HAUS8: variants seen among roughly 807,000 people sequenced by gnomAD.
HAUS8 encodes the protein HAUS augmin like complex subunit 8, also known as HAUS augmin-like complex subunit 8.
In HAUS8, 38 loss-of-function variants were observed where a neutral mutation model predicts 42.9. The observed-to-expected ratio is 0.89, with a 90% CI of 0.68 to 1.16. HAUS8 has a LOEUF of 1.16. Ranked by LOEUF, HAUS8 falls within the 50% of genes most tolerant of loss-of-function variation. The pLI, the probability that HAUS8 is intolerant of heterozygous loss-of-function variation, is 0.00. For missense variants in HAUS8, 494 were observed against 511.6 expected, an observed-to-expected ratio of 0.97 and a Z score of 0.33; for synonymous variants, 199 against 205.8, an observed-to-expected ratio of 0.97 and a Z score of 0.28.
At position 17,059,517 on chromosome 19, in the gene HAUS8, G is replaced by A. The variant is rs201127717; in HGVS notation, c.420+40C>T. ...AGAGTGGACTCTAAATCAGATCTATGCAACCCATCTGTGGCTGCCCTCTTC... is the reference window on the plus strand; with the variant it reads ...AGAGTGGACTCTAAATCAGATCTATACAACCCATCTGTGGCTGCCCTCTTC... On this transcript the variant is annotated intron_variant, in intron 6 of 10. Coordinates refer to ENST00000253669, the MANE Select transcript of HAUS8 (RefSeq NM_033417.2). 36 of 1,389,100 alleles carry A rather than the reference G, an allele frequency of 2.6e-5. No individual in the cohort carries two copies. The East Asian group carries it at 8.0e-4, about 31-fold the overall frequency. 86.0% of individuals were successfully genotyped at this position (1,389,100 alleles called of 1,614,324 possible).
chr19:17,073,462 T>A, intron 1 of HAUS8, 127 bp from the exon 2 acceptor site: 1 of 853,902 alleles, frequency 1.2e-6, no homozygotes. Context: ...ACAATTTCAG[T>A]GAGGGTGGGC....
At chr19:17,056,101 T>G in intron 8 of HAUS8, 99 bp from the exon 9 acceptor site, 24 of 1,078,320 alleles carry the variant, frequency 2.2e-5, no homozygotes, top group Non-Finnish European at 2.6e-5. Flanking sequence ...TACAGCGCTG[T>G]TCTTCACCAC....
intron 3 of HAUS8, among the ~76,000 whole-genome samples, chr19:17,067,392 G>C (rs2057393409): frequency 6.6e-6 from 1 of 152,096 alleles, no homozygotes. Flanking sequence ...CTGGGGGTGG[G>C]AGAGGGGCTG....
rs772888081 is a variant in HAUS8 at position 17,060,224 on chromosome 19, CTAAA to C, written c.230-136_230-133del. 8.2e-5 allele frequency: 17 copies of C among 207,338 alleles called. No homozygotes were observed. In the South Asian group the frequency reaches 8.7e-4, roughly 11 times the overall value. The allele number at this position is 207,338 out of a possible 1,614,324, so 12.8% of individuals were successfully genotyped here. A position where few individuals can be genotyped will look rare whatever the true frequency, so the allele number is the denominator to read the frequency against. On this transcript the variant is annotated intron_variant, in intron 4 of 10. Transcript: ENST00000253669. Reference sequence around the variant, plus strand: ...CCCAATTTCGTCCAAGGTGGAAAGGCTAAAAAAAAAAAAAAAAAAAAAACCTGTG... The same window carrying C: ...CCCAATTTCGTCCAAGGTGGAAAGGCAAAAAAAAAAAAAAAAAAACCTGTG...
Position 17,049,990 on chromosome 19 carries a change from C to A in HAUS8, c.1116G>T (p.Pro372=). Residue 372 remains proline (P), a synonymous_variant, in exon 11 of 11, where the codon CCG becomes CCT. Transcript: ENST00000253669. The stretch of plus-strand genomic sequence containing the variant: ...CCTGAGCGGGGGCTGACGAGGCACC[C>A]GGGTTGTCGTCCTCAGACAGGGGCG... ...KNTPLSEDDN[P]GASSAPAQAT... 6.2e-7 allele frequency: 1 copy of A among 1,601,872 alleles called. No individual in the cohort carries two copies. The highest frequency in any genetic ancestry group is 8.5e-7 in the Non-Finnish European group (1 of 1,174,614).
At position 17,075,436 on chromosome 19, in the gene HAUS8, A is replaced by G. The variant is rs774499669; in HGVS notation, c.-14T>C. 3 of 1,613,030 alleles carry G rather than the reference A, an allele frequency of 1.9e-6. No homozygotes were observed. Among genetic ancestry groups the G allele is most frequent in the South Asian group, 1.1e-5 (1 of 91,072 alleles). ...GGAATCCGCCATTTTCCCGCCTTCC[A>G]CCTCAAGGCCCGACCCGCCGGCTTT... On this transcript the variant is annotated 5_prime_UTR_variant, in exon 1 of 11. Coordinates refer to ENST00000253669, the MANE Select transcript of HAUS8 (RefSeq NM_033417.2).
chr19:17,071,316 C>T (rs2057422358), intron 2 of HAUS8, among the ~76,000 whole-genome samples: 1 of 152,172 alleles, frequency 6.6e-6, no homozygotes, highest in South Asian at 2.1e-4. Flanking sequence ...TTCAGTCAGC[C>T]AAAGGGCCGG....
chr19:17,058,583 C>T lies in HAUS8; in HGVS notation c.611G>A (p.Arg204Lys). ...ELKRRLLLSQ[R>K]KRELADVLDA... ...CAGGACATCTGCCAGCTCCCGCTTC[C>T]TCTGAGAGAGGAGAAGCCTGCGCTT... The change falls in exon 8 of 11, where the codon AGG becomes AAG. Residue 204 changes from arginine (R) to lysine (K), a missense_variant. Coordinates refer to ENST00000253669, the MANE Select transcript of HAUS8 (RefSeq NM_033417.2). 1.2e-6 allele frequency: 2 copies of T among 1,610,316 alleles called. No homozygotes were observed. The highest frequency in any genetic ancestry group is 1.7e-6 in the Non-Finnish European group (2 of 1,178,738).
chr19:17,074,526 C>G (rs1011683886), intron 1 of HAUS8: 1 of 152,374 alleles, frequency 6.6e-6, no homozygotes, highest in African/African-American at 2.4e-5. Flanking sequence ...ACATAGGTCA[C>G]CCCCGGGGCA....
chr19:17,050,622 G>A (rs192355947), intron 10 of HAUS8, among the ~76,000 whole-genome samples: 154 of 152,288 alleles, frequency 1.0e-3, no homozygotes, highest in African/African-American at 3.5e-3. Context: ...AATACTGGGC[G>A]CTGTGGCTCA....
At chr19:17,059,716 T>G (rs2057348663) in intron 5 of HAUS8, 65 bp from the exon 6 acceptor site, 1 of 1,086,842 alleles carries the variant, frequency 9.2e-7, no homozygotes, top group African/African-American at 1.6e-5. Context: ...GGTTGCCATT[T>G]TTTTTCTAAT....
intron 10 of HAUS8, 99 bp downstream of exon 10, chr19:17,052,726 G>C: frequency 7.5e-7 from 1 of 1,326,028 alleles, no homozygotes; most frequent in Non-Finnish European, 1.1e-6. Flanking sequence ...AACCTCCTCT[G>C]AACTCCTAGA....
At chr19:17,056,110 A>AC (rs2057324864) in intron 8 of HAUS8, 108 bp from the exon 9 acceptor site, 1 of 1,033,124 alleles carries the variant, frequency 9.7e-7, no homozygotes, top group Non-Finnish European at 1.5e-6. Flanking sequence ...GTTCTTCACC[A>AC]CCCCCCAGGG....
chr19:17,070,759 C>T (rs1282273080), intron 2 of HAUS8, among the ~76,000 whole-genome samples: 1 of 152,214 alleles, frequency 6.6e-6, no homozygotes, highest in Non-Finnish European at 1.5e-5. Context: ...GGGGTAGGCA[C>T]TCGATAATAT....
intron 5 of HAUS8, 56 bp downstream of exon 5, chr19:17,059,941 C>A: frequency 2.3e-6 from 3 of 1,290,504 alleles, no homozygotes; most frequent in Non-Finnish European, 2.3e-6. Context: ...TGGAAGCCCA[C>A]TGAGACCTAC....
intron 8 of HAUS8, 132 bp from the exon 9 acceptor site, chr19:17,056,134 G>C: frequency 1.1e-6 from 1 of 890,316 alleles, no homozygotes; most frequent in Non-Finnish European, 1.7e-6. Context: ...CAGAGCTCAG[G>C]AAGTTTCCGA....
At chr19:17,069,950 C>T (rs1174829810) in intron 2 of HAUS8, among the ~76,000 whole-genome samples, 1 of 152,028 alleles carries the variant, frequency 6.6e-6, no homozygotes. Context: ...GATAAAGCGC[C>T]CCCCATTCTG....
rs772996575 is a variant in HAUS8 at position 17,049,854 on chromosome 19, T to C, written c.*19A>G. On this transcript the variant is annotated 3_prime_UTR_variant, in exon 11 of 11. Coordinates refer to ENST00000253669, the MANE Select transcript of HAUS8 (RefSeq NM_033417.2). ...CGGTAGTATATAAAGTGCTCAAGTA[T>C]CCTGAATGTAACCATGAGTCATGAC... 2.1e-6 allele frequency: 3 copies of C among 1,452,992 alleles called. No individual in the cohort carries two copies. In the Admixed American group the frequency reaches 7.9e-5, roughly 38 times the overall value. 90.0% of individuals were successfully genotyped at this position (1,452,992 alleles called of 1,614,324 possible).
At chr19:17,055,820 C>A in intron 9 of HAUS8, 41 bp downstream of exon 9, 1 of 1,584,284 alleles carries the variant, frequency 6.3e-7, no homozygotes, top group Non-Finnish European at 8.6e-7. Flanking sequence ...ACGCTCCTCG[C>A]CCCGCCTGCT....
Sources: gnomAD v4.1 joint callset for allele counts (sites outside exome capture counted in the v4.1 genomes callset) on GRCh38, gnomAD v4.1.1 for gene constraint, MANE v1.5 for transcripts, NCBI Gene and HGNC (gene_info 2026-07-23, HGNC 2026-07-21) for gene names.